SKAP1: variants seen among roughly 807,000 people sequenced by gnomAD.
The protein encoded by SKAP1 is src kinase-associated phosphoprotein 1.
In SKAP1, 44 loss-of-function variants were observed where a neutral mutation model predicts 58.5. That is an observed-to-expected ratio of 0.75 (90% CI 0.59 to 0.97). The LOEUF (loss-of-function observed/expected upper bound fraction) is 0.97. Among genes scored for constraint, SKAP1 ranks in the 50% least tolerant of loss-of-function variants. SKAP1 has a pLI of 0.00. For missense variants in SKAP1, 390 were observed against 435.2 expected (o/e 0.90, Z 0.92); for synonymous variants, 127 against 149.7 (o/e 0.85, Z 1.11).
At chr17:48,205,021 TTCTTTCTTTCTTTCTTTCTC>T (rs1567819977) in intron 4 of SKAP1, among the ~76,000 whole-genome samples, 28 of 30,510 alleles carry the variant, frequency 9.2e-4, no homozygotes, top group African/African-American at 3.7e-3. Context: ...TTCTTTTTCT[TTCTTTCTTTCTTTCTTTCTC>T]TCTCTCTCTT....
At chr17:48,422,649 T>C (rs1251523781) in intron 1 of SKAP1, among the ~76,000 whole-genome samples, 1 of 152,132 alleles carries the variant, frequency 6.6e-6, no homozygotes. Flanking sequence ...ACAGGACCTA[T>C]GAGAAAACAT....
chr17:48,443,715 A>T, the SKAP1 span, among the ~76,000 whole-genome samples: 1 of 152,130 alleles, frequency 6.6e-6, no homozygotes, highest in Non-Finnish European at 1.5e-5. Context: ...ACCTCAAGTG[A>T]TCCACTCACC....
chr17:48,426,744 A>AT, intron 1 of SKAP1, among the ~76,000 whole-genome samples: 1 of 152,024 alleles, frequency 6.6e-6, no homozygotes, highest in Non-Finnish European at 1.5e-5. Flanking sequence ...ACTAGTTACT[A>AT]TTTCTATATG....
At chr17:48,148,199 A>G (rs1332604183) in intron 11 of SKAP1, among the ~76,000 whole-genome samples, 1 of 152,200 alleles carries the variant, frequency 6.6e-6, no homozygotes, top group African/African-American at 2.4e-5. Context: ...TGTGGGTGAA[A>G]TGTGTGCAAA....
chr17:48,328,675 T>C (rs2066467503), intron 4 of SKAP1, among the ~76,000 whole-genome samples: 1 of 152,234 alleles, frequency 6.6e-6, no homozygotes, highest in African/African-American at 2.4e-5. Flanking sequence ...CTAATGCTCT[T>C]CTTCAAAGCA....
chr17:48,271,362 C>CTTTGTTTCT (rs2065630439), intron 4 of SKAP1, among the ~76,000 whole-genome samples: 11 of 106,278 alleles, frequency 1.0e-4, no homozygotes, highest in Admixed American at 4.3e-4. Context: ...TTCTTTGTTT[C>CTTTGTTTCT]TTTTTTTTTT....
At chr17:48,297,630 C>G (rs950306516) in intron 4 of SKAP1, among the ~76,000 whole-genome samples, 1 of 151,966 alleles carries the variant, frequency 6.6e-6, no homozygotes, top group Non-Finnish European at 1.5e-5. Context: ...AGTTCAGGCA[C>G]GATTCAAAAG....
chr17:48,398,013 C>A (rs188678888), intron 1 of SKAP1, among the ~76,000 whole-genome samples: 26 of 152,248 alleles, frequency 1.7e-4, no homozygotes, highest in Non-Finnish European at 2.8e-4. Context: ...AAATTTTCCA[C>A]CTCCAAAAAT....
chr17:48,360,043 C>T (rs12451118), intron 3 of SKAP1, among the ~76,000 whole-genome samples: 1,936 of 152,270 alleles, frequency 0.013, 42 homozygotes, highest in African/African-American at 0.041. Flanking sequence ...AAACCTTTTA[C>T]ACCACTCATA....
At chr17:48,274,947 G>T (rs1270324617) in intron 4 of SKAP1, among the ~76,000 whole-genome samples, 1 of 151,940 alleles carries the variant, frequency 6.6e-6, no homozygotes, top group East Asian at 1.9e-4. Flanking sequence ...TGCTACAACT[G>T]CCATCACCTC....
intron 4 of SKAP1, among the ~76,000 whole-genome samples, chr17:48,197,733 T>C (rs1432861627): frequency 1.3e-5 from 2 of 152,078 alleles, no homozygotes; most frequent in African/African-American, 4.8e-5. Context: ...AAGCCAAATA[T>C]CCAAACTGGT....
intron 4 of SKAP1, among the ~76,000 whole-genome samples, chr17:48,333,596 T>G (rs2066531769): frequency 6.6e-6 from 1 of 152,130 alleles, no homozygotes; most frequent in South Asian, 2.1e-4. Flanking sequence ...AATGTTTTTC[T>G]GCTGGTAAGA....
At chr17:48,146,532 C>G (rs8071697) in intron 11 of SKAP1, among the ~76,000 whole-genome samples, 24,336 of 151,170 alleles carry the variant, frequency 0.16, 2,660 homozygotes, top group African/African-American at 0.31. Flanking sequence ...AGAATCCTAA[C>G]TGCTTCCATG....
At chr17:48,308,325 T>C (rs537910101) in intron 4 of SKAP1, 1 of 152,356 alleles carries the variant, frequency 6.6e-6, no homozygotes, top group East Asian at 1.9e-4. Flanking sequence ...TCAATGAACA[T>C]AGTCATAGAC....
Position 48,182,461 on chromosome 17 carries a change from G to C in SKAP1, c.568-4C>G, listed in dbSNP as rs1598403214. 1 of 1,600,298 alleles carries C rather than the reference G, an allele frequency of 6.2e-7. No homozygotes were observed. The highest frequency in any genetic ancestry group is 1.3e-5 in the African/African-American group (1 of 74,314). On this transcript the variant is annotated splice_polypyrimidine_tract_variant and splice_region_variant and intron_variant, in intron 7 of 12. Coordinates refer to ENST00000336915, the MANE Select transcript of SKAP1 (RefSeq NM_003726.4). ...CTGCTGGACTAGTAGCTGTAAACTA[G>C]AGAAAAATCAGTGAATTAATTTATC...
intron 8 of SKAP1, 151 bp from the exon 9 acceptor site, chr17:48,180,399 G>A (rs1382615130): frequency 1.6e-6 from 1 of 642,724 alleles, no homozygotes; most frequent in Admixed American, 3.2e-5. Context: ...TCTAATGTGG[G>A]CTTTGGTGGC....
At chr17:48,295,935 T>C (rs2065964062) in intron 4 of SKAP1, among the ~76,000 whole-genome samples, 1 of 152,072 alleles carries the variant, frequency 6.6e-6, no homozygotes, top group African/African-American at 2.4e-5. Flanking sequence ...ATGCAAAACA[T>C]ATATGCATAT....
chr17:48,361,949 TA>T (rs2066944083), intron 3 of SKAP1, among the ~76,000 whole-genome samples: 1 of 152,150 alleles, frequency 6.6e-6, no homozygotes, highest in African/African-American at 2.4e-5. Flanking sequence ...AAGGGCAAGG[TA>T]AAAGATACCC....
chr17:48,284,666 C>T (rs192779730), intron 4 of SKAP1, among the ~76,000 whole-genome samples: 63 of 152,256 alleles, frequency 4.1e-4, no homozygotes, highest in African/African-American at 1.5e-3. Context: ...ACATCTTTGA[C>T]AATTTTGCTC....
Sources: allele counts gnomAD v4.1 joint callset (sites outside exome capture counted in the v4.1 genomes callset), GRCh38; gene constraint gnomAD v4.1.1; transcripts MANE v1.5; gene names NCBI Gene and HGNC (gene_info 2026-07-23, HGNC 2026-07-21).